PARD3B: variants seen among roughly 807,000 people sequenced by gnomAD.
The protein encoded by PARD3B is par-3 family cell polarity regulator beta.
Under a neutral mutation model 130.2 loss-of-function variants are expected in PARD3B, and 103 were observed. That is an observed-to-expected ratio of 0.79 (90% confidence interval 0.67 to 0.93). The LOEUF (loss-of-function observed/expected upper bound fraction) is 0.93, where lower values mean the gene tolerates loss of function less well. PARD3B is among the 40% of genes least tolerant of loss of function. The probability of loss-of-function intolerance (pLI) is 0.00; values close to 1 mark genes in which losing one functional copy is unlikely to be tolerated. For synonymous variants in PARD3B, 583 were observed against 553.2 expected (o/e 1.05, Z -0.76); for missense variants, 1,609 against 1,499.2 (o/e 1.07, Z -1.21).
intron 22 of PARD3B, among the ~76,000 whole-genome samples, chr2:205,571,710 G>A (rs781045749): frequency 5.3e-5 from 8 of 152,068 alleles, no homozygotes; most frequent in Non-Finnish European, 1.2e-4. Flanking sequence ...AATATGGAAA[G>A]GTTTTAAAGA....
intron 19 of PARD3B, among the ~76,000 whole-genome samples, chr2:205,408,070 G>A (rs929410566): frequency 6.6e-6 from 1 of 152,178 alleles, no homozygotes; most frequent in African/African-American, 2.4e-5. Context: ...CTAAGTGAGA[G>A]TGAAGCTAAG....
intron 1 of PARD3B, among the ~76,000 whole-genome samples, chr2:204,548,851 C>T (rs1204639474): frequency 2.0e-5 from 3 of 151,948 alleles, no homozygotes; most frequent in African/African-American, 7.3e-5. Flanking sequence ...TCTTAGACAT[C>T]CAGGTGGCGA....
At chr2:204,556,856 G>A (rs1225212304) in intron 1 of PARD3B, among the ~76,000 whole-genome samples, 1 of 152,030 alleles carries the variant, frequency 6.6e-6, no homozygotes, top group Non-Finnish European at 1.5e-5. Flanking sequence ...TCATCACTTG[G>A]TTGGTTATGC....
chr2:205,435,238 A>G (rs1276022919), intron 19 of PARD3B, among the ~76,000 whole-genome samples: 2 of 152,062 alleles, frequency 1.3e-5, no homozygotes, highest in African/African-American at 4.8e-5. Context: ...AAATATTTAT[A>G]TGTGTAGTAC....
At chr2:205,054,447 T>A (rs1172953206) in intron 4 of PARD3B, among the ~76,000 whole-genome samples, 146 of 120,020 alleles carry the variant, frequency 1.2e-3, no homozygotes, top group South Asian at 3.3e-3. Context: ...TTTTTTTTTT[T>A]TTTTTTTTTT....
At chr2:205,225,593 TTTAA>T (rs1240848200) in intron 15 of PARD3B, among the ~76,000 whole-genome samples, 6 of 152,132 alleles carry the variant, frequency 3.9e-5, no homozygotes, top group Non-Finnish European at 5.9e-5. Context: ...AGAAAAGAAG[TTTAA>T]TTAACTCATA....
At chr2:204,932,046 T>C (rs1688073641) in intron 2 of PARD3B, among the ~76,000 whole-genome samples, 1 of 152,130 alleles carries the variant, frequency 6.6e-6, no homozygotes, top group South Asian at 2.1e-4. Flanking sequence ...TGCCGAATTC[T>C]AGTTGCATCC....
chr2:204,936,940 A>G lies in PARD3B; in HGVS notation c.223-28212A>G, dbSNP rs544374737. On this transcript the variant is annotated intron_variant, in intron 2 of 22. Coordinates refer to ENST00000406610, the MANE Select transcript of PARD3B (RefSeq NM_001302769.2). ...AAAATAATTTTAAAATGTGTATTAT[A>G]TACTTGTAATAGGCATTGTGATAAT... 4.6e-5 allele frequency among the ~76,000 whole-genome samples: 7 copies of G among 152,404 alleles called. 1 individual carries two copies. Among genetic ancestry groups the G allele is most frequent in the African/African-American group, 1.7e-4 (7 of 41,602 alleles).
chr2:204,688,640 T>C (rs1404409510), intron 2 of PARD3B, among the ~76,000 whole-genome samples: 1 of 151,060 alleles, frequency 6.6e-6, no homozygotes, highest in Non-Finnish European at 1.5e-5. Context: ...ACCTTGGTAA[T>C]CTTAAGATTT....
chr2:204,561,384 C>G (rs1040081978), intron 1 of PARD3B, among the ~76,000 whole-genome samples: 2 of 152,196 alleles, frequency 1.3e-5, no homozygotes, highest in Non-Finnish European at 2.9e-5. Context: ...CGGACCCGCT[C>G]TTGTCCCTTT....
At chr2:205,056,123 A>G (rs1344515128) in intron 4 of PARD3B, among the ~76,000 whole-genome samples, 1 of 152,126 alleles carries the variant, frequency 6.6e-6, no homozygotes, top group Non-Finnish European at 1.5e-5. Flanking sequence ...CTTGAGAAGA[A>G]GCAAGACAAT....
intron 22 of PARD3B, among the ~76,000 whole-genome samples, chr2:205,579,904 T>C (rs1046507384): frequency 2.6e-5 from 4 of 152,228 alleles, no homozygotes; most frequent in African/African-American, 9.6e-5. Flanking sequence ...CCAAGCACCC[T>C]ACCTTGGACT....
intron 18 of PARD3B, among the ~76,000 whole-genome samples, chr2:205,382,860 T>A (rs902313626): frequency 2.0e-5 from 3 of 152,062 alleles, no homozygotes; most frequent in African/African-American, 7.2e-5. Context: ...TCATGTTCCA[T>A]TTTAACTTGT....
rs1559035468 is a variant in PARD3B at position 205,381,035 on chromosome 2, A to C, written c.2631-19978A>C. Among the ~76,000 whole-genome samples the C allele has an allele frequency of 5.6e-4, 40 of 72,068 alleles. 3 individuals are homozygous for C. The highest frequency in any genetic ancestry group is 1.6e-3 in the African/African-American group (26 of 16,564). The allele number at this position is 72,068 out of a possible 152,430, so 47.3% of individuals were successfully genotyped here. Reference sequence around the variant, plus strand: ...AAAGAATATATATGATATATTATATATAAAGAATATATATTATATATAAAG... The same window carrying C: ...AAAGAATATATATGATATATTATATCTAAAGAATATATATTATATATAAAG... On this transcript the variant is annotated intron_variant, in intron 18 of 22. Coordinates refer to ENST00000406610, the MANE Select transcript of PARD3B (RefSeq NM_001302769.2).
intron 15 of PARD3B, among the ~76,000 whole-genome samples, chr2:205,211,526 A>G (rs1559547165): frequency 6.9e-6 from 1 of 145,492 alleles, no homozygotes; most frequent in African/African-American, 2.7e-5. Context: ...AGGTAAATAA[A>G]CGATAATAAC....
intron 2 of PARD3B, among the ~76,000 whole-genome samples, chr2:204,960,493 T>C (rs1479158443): frequency 1.3e-5 from 2 of 152,168 alleles, no homozygotes; most frequent in Non-Finnish European, 2.9e-5. Context: ...ACAATAATGA[T>C]GATGATGATA....
chr2:204,759,044 T>C (rs1228937515), intron 2 of PARD3B, among the ~76,000 whole-genome samples: 2 of 152,138 alleles, frequency 1.3e-5, no homozygotes, highest in Non-Finnish European at 2.9e-5. Flanking sequence ...CTTCCACATC[T>C]CAGTCAGAGC....
intron 21 of PARD3B, among the ~76,000 whole-genome samples, chr2:205,511,932 G>C (rs1258166182): frequency 6.6e-6 from 1 of 152,174 alleles, no homozygotes; most frequent in Non-Finnish European, 1.5e-5. Context: ...ATTTTTGACT[G>C]AGAGTCGTTC....
In PARD3B at chr2:205,440,329, A is replaced by C; in HGVS notation, c.2742-41A>C. The C allele has an allele frequency of 6.4e-7, 1 of 1,564,004 alleles. No individual in the cohort carries two copies. On this transcript the variant is annotated intron_variant, in intron 19 of 22. Transcript: ENST00000406610. This position sits in a 1 kb window ranked among gnomAD's most constrained non-coding sequence, Gnocchi z 4.2. Reference sequence around the variant, plus strand: ...GAGTATTTCATTGTATTATTATATGAAACTCACATACATCTTTGCTACCTG... The same window carrying C: ...GAGTATTTCATTGTATTATTATATGCAACTCACATACATCTTTGCTACCTG...
Sources: gnomAD v4.1 joint callset for allele counts (sites outside exome capture counted in the v4.1 genomes callset) on GRCh38, gnomAD v4.1.1 for gene constraint, Gnocchi (gnomAD v3.1) non-coding constraint, MANE v1.5 for transcripts, NCBI Gene and HGNC (gene_info 2026-07-23, HGNC 2026-07-21) for gene names.